TMEM65: variants seen among roughly 807,000 people sequenced by gnomAD.
TMEM65 encodes the protein transmembrane protein 65.
A neutral mutation model predicts 25.4 loss-of-function variants in TMEM65; 22 were observed. The ratio of observed to expected loss-of-function variants is 0.86; its 90% CI spans 0.62 to 1.23. The LOEUF (loss-of-function observed/expected upper bound fraction) is 1.23. Among genes scored for constraint, TMEM65 ranks in the 50% most tolerant of loss-of-function variants. TMEM65 has a pLI of 0.00. For synonymous variants in TMEM65, 132 were observed against 126.2 expected, an observed-to-expected ratio of 1.05 and a Z score of -0.31; for missense variants, 262 against 308.2, an observed-to-expected ratio of 0.85 and a Z score of 1.12.
rs552307428 is a variant in TMEM65, at chr8:124,370,962, T to A, written c.304+892A>T. On this transcript the variant is annotated intron_variant, in intron 1 of 6. Coordinates refer to ENST00000297632, the MANE Select transcript of TMEM65 (RefSeq NM_194291.3). ...TAAGTGGCAGAAATATTTTAAGACA[T>A]CCATTTTAGTCGTTTGCTCCTTTCA... is the stretch of plus-strand genomic sequence containing the variant. Among the ~76,000 whole-genome samples, 9 of 152,362 alleles carry A rather than the reference T, an allele frequency of 5.9e-5. No homozygotes were observed. In the South Asian group the frequency reaches 1.9e-3, roughly 32 times the overall value.
intron 1 of TMEM65, among the ~76,000 whole-genome samples, chr8:124,334,018 G>T (rs1458040566): frequency 6.6e-6 from 1 of 152,192 alleles, no homozygotes; most frequent in Non-Finnish European, 1.5e-5. Flanking sequence ...AACCACACAT[G>T]TGCAGGGAAA....
chr8:124,347,507 G>A (rs1457173489), intron 1 of TMEM65, among the ~76,000 whole-genome samples: 1 of 152,122 alleles, frequency 6.6e-6, no homozygotes, highest in African/African-American at 2.4e-5. Context: ...CAGGTGATGG[G>A]TACACCAAAA....
intron 1 of TMEM65, among the ~76,000 whole-genome samples, chr8:124,332,385 C>T (rs1814442924): frequency 6.6e-6 from 1 of 152,034 alleles, no homozygotes; most frequent in Admixed American, 6.6e-5. Context: ...GCAGGACCTC[C>T]CCAGTAGAAT....
intron 1 of TMEM65, among the ~76,000 whole-genome samples, chr8:124,344,809 G>A (rs1411659505): frequency 1.3e-5 from 2 of 152,108 alleles, no homozygotes; most frequent in Non-Finnish European, 2.9e-5. Context: ...AGTATTAAGT[G>A]CTCATGTATA....
At chr8:124,332,803 ATATTAT>A (rs1312754620) in intron 1 of TMEM65, among the ~76,000 whole-genome samples, 12 of 151,900 alleles carry the variant, frequency 7.9e-5, no homozygotes, top group African/African-American at 2.7e-4. Context: ...AATTTATTTT[ATATTAT>A]TATTATTTTT....
intron 2 of TMEM65, among the ~76,000 whole-genome samples, chr8:124,330,071 A>G (rs780657574): frequency 6.6e-5 from 10 of 151,890 alleles, no homozygotes; most frequent in Non-Finnish European, 1.2e-4. Context: ...GGCTTCTTCA[A>G]TTTACTCTCA....
Position 124,371,894 on chromosome 8 carries a change from G to C in TMEM65, c.264C>G (p.Leu88=). 1 of 1,550,816 alleles carries C rather than the reference G, an allele frequency of 6.4e-7. No homozygotes were observed. The highest frequency in any genetic ancestry group is 8.7e-7 in the Non-Finnish European group (1 of 1,153,220). ...TAGACTCGAAGCGGTGCAGCTCTTT[G>C]AGCAGGCAGCTCCTCTCCGTGGAGT... ...SLHSTERSCL[L]KELHRFESIA... Residue 88 remains leucine, a synonymous_variant, in exon 1 of 7, where the codon CTC becomes CTG. Coordinates refer to ENST00000297632, the MANE Select transcript of TMEM65 (RefSeq NM_194291.3).
intron 6 of TMEM65, among the ~76,000 whole-genome samples, chr8:124,317,164 G>A (rs1814247596): frequency 6.6e-6 from 1 of 152,072 alleles, no homozygotes. Flanking sequence ...GGTAAAAATT[G>A]TTTACTTCCA....
chr8:124,342,287 G>A (rs1450656451), intron 1 of TMEM65, among the ~76,000 whole-genome samples: 3 of 152,090 alleles, frequency 2.0e-5, no homozygotes, highest in Non-Finnish European at 2.9e-5. Context: ...TTCATGTAAA[G>A]AACTCTGAGA....
At chr8:124,367,402 A>C (rs192441515) in intron 1 of TMEM65, among the ~76,000 whole-genome samples, 1 of 152,310 alleles carries the variant, frequency 6.6e-6, no homozygotes, top group Non-Finnish European at 1.5e-5. Flanking sequence ...TGAACCTGGG[A>C]GATGGAGTTG....
rs530288771 is a variant in TMEM65 at position 124,313,434 on chromosome 8, T to C, written c.*526A>G. The stretch of plus-strand genomic sequence containing the variant: ...AACCTGTATCTATATCCATTTTCAA[T>C]AGATGTGACAGTTAAGAAATGACTG... On this transcript the variant is annotated 3_prime_UTR_variant, in exon 7 of 7. Coordinates refer to ENST00000297632, the MANE Select transcript of TMEM65 (RefSeq NM_194291.3). The C allele has an allele frequency of 1.3e-5, 2 of 152,172 alleles. No homozygotes were observed. Among genetic ancestry groups the C allele is most frequent in the African/African-American group, 2.4e-5 (1 of 41,566 alleles). The allele number at this position is 152,172 out of a possible 1,614,324, so 9.4% of individuals were successfully genotyped here.
In TMEM65 at chr8:124,324,668, T is replaced by C. The variant is rs1219487076; in HGVS notation, c.418-1293A>G. Among the ~76,000 whole-genome samples, 3 of 152,018 alleles carry C rather than the reference T, an allele frequency of 2.0e-5. No homozygotes were observed. In the East Asian group the frequency reaches 5.8e-4, roughly 29 times the overall value. ...CCAAAGAAGAATCTCTTGCAATACA[T>C]ACATTTAAAAAATAGTTAAGTGCTT... On this transcript the variant is annotated intron_variant, in intron 3 of 6. Transcript: ENST00000297632.
intron 4 of TMEM65, 107 bp from the exon 5 acceptor site, chr8:124,322,254 A>G: frequency 3.9e-6 from 3 of 772,842 alleles, no homozygotes; most frequent in Non-Finnish European, 6.1e-6. Flanking sequence ...TTCTCAAACA[A>G]CAGCAACCAT....
chr8:124,356,360 T>A (rs932050640), intron 1 of TMEM65, among the ~76,000 whole-genome samples: 2 of 152,154 alleles, frequency 1.3e-5, no homozygotes, highest in Non-Finnish European at 2.9e-5. Flanking sequence ...TGTCAGTGAA[T>A]CTTCAGAGGG....
chr8:124,330,497 A>ATT (rs1456874303), intron 2 of TMEM65, among the ~76,000 whole-genome samples: 44 of 152,018 alleles, frequency 2.9e-4, no homozygotes, highest in African/African-American at 1.0e-3. Flanking sequence ...TATCATAAAA[A>ATT]TAATTCTATT....
chr8:124,372,110 C>G lies in TMEM65; in HGVS notation c.48G>C (p.Leu16=), dbSNP rs1232141369. The G allele has an allele frequency of 2.7e-6, 3 of 1,130,572 alleles. No homozygotes were observed. The highest frequency in any genetic ancestry group is 1.7e-5 in the African/African-American group (1 of 59,272). The allele number at this position is 1,130,572 out of a possible 1,614,324, so 70.0% of individuals were successfully genotyped here. A position where few individuals can be genotyped will look rare whatever the true frequency, so the allele number is the denominator to read the frequency against. ...CGGCGGCGGCGGCCGGGCCCGGCCT[C>G]AGGCTGCGCGCGGTCCGGCTCCTCA... ...PLLRSRTARS[L]RPGPAAAAAP... is the part of the protein sequence containing the mutation. The change falls in exon 1 of 7, where the codon CTG becomes CTC. Residue 16 remains leucine, a synonymous_variant. Transcript: ENST00000297632.
At chr8:124,351,105 G>C (rs1814701350) in intron 1 of TMEM65, 1 of 984,766 alleles carries the variant, frequency 1.0e-6, no homozygotes, top group South Asian at 4.7e-5. Context: ...TCTCAGGTTT[G>C]GGATATCTGC....
At chr8:124,315,854 CT>C (rs1449640643) in intron 6 of TMEM65, among the ~76,000 whole-genome samples, 2 of 152,142 alleles carry the variant, frequency 1.3e-5, no homozygotes, top group African/African-American at 4.8e-5. Context: ...ATTCCACATG[CT>C]GATAAAGTTA....
intron 1 of TMEM65, among the ~76,000 whole-genome samples, chr8:124,348,096 C>T (rs189834390): frequency 0.013 from 2,022 of 151,942 alleles, 15 homozygotes; most frequent in Non-Finnish European, 0.022. Context: ...TACAGGCATG[C>T]GCCGCCATAC....
Sources: allele counts gnomAD v4.1 joint callset (sites outside exome capture counted in the v4.1 genomes callset), GRCh38; gene constraint gnomAD v4.1.1; transcripts MANE v1.5; gene names NCBI Gene and HGNC (gene_info 2026-07-23, HGNC 2026-07-21).